Variants in NFATC3 observed in about 807,000 individuals in gnomAD.
NFATC3 encodes the protein nuclear factor of activated T-cells, cytoplasmic 3.
A neutral mutation model predicts 98.6 loss-of-function variants in NFATC3; 46 were observed. The ratio of observed to expected loss-of-function variants is 0.47; its 90% CI spans 0.37 to 0.60. The LOEUF (loss-of-function observed/expected upper bound fraction) is 0.60. NFATC3 is among the 20% of genes least tolerant of loss of function. The pLI, the probability that NFATC3 is intolerant of heterozygous loss-of-function variation, is 0.00. For synonymous variants in NFATC3, 512 were observed against 472.2 expected, an observed-to-expected ratio of 1.08 and a Z score of -1.09; for missense variants, 1,256 against 1,295.5, an observed-to-expected ratio of 0.97 and a Z score of 0.47.
rs2042042294 is a variant in NFATC3 at position 68,226,593 on chromosome 16, G to A, written c.*122G>A. On this transcript the variant is annotated 3_prime_UTR_variant, in exon 10 of 10. Coordinates refer to ENST00000346183, the MANE Select transcript of NFATC3 (RefSeq NM_173165.3). ...CCAGGAGTGGGACCCACCATTTGTGGGGAAAGTAGCATTCCTCCACCTCAG... is the reference window on the plus strand; with the variant it reads ...CCAGGAGTGGGACCCACCATTTGTGAGGAAAGTAGCATTCCTCCACCTCAG... The A allele has an allele frequency of 8.5e-7, 1 of 1,176,844 alleles. No individual in the cohort carries two copies. Among genetic ancestry groups the A allele is most frequent in the South Asian group, 2.2e-5 (1 of 45,282 alleles). The allele number at this position is 1,176,844 out of a possible 1,614,324, so 72.9% of individuals were successfully genotyped here.
At chr16:68,138,488 T>C (rs2151534966) in intron 3 of NFATC3, 1 of 1,261,882 alleles carries the variant, frequency 7.9e-7, no homozygotes, top group Non-Finnish European at 1.0e-6. Context: ...TTATTTTGCA[T>C]TTTCTTTCAA....
intron 3 of NFATC3, among the ~76,000 whole-genome samples, chr16:68,145,228 C>T (rs1295375693): frequency 6.6e-6 from 1 of 151,870 alleles, no homozygotes; most frequent in Non-Finnish European, 1.5e-5. Context: ...ACTGCAACCT[C>T]AGACTCACAG....
chr16:68,161,149 A>C (rs977640675), intron 4 of NFATC3, among the ~76,000 whole-genome samples: 3 of 152,352 alleles, frequency 2.0e-5, no homozygotes, highest in Admixed American at 6.5e-5. Flanking sequence ...GAATGAGAAT[A>C]CAAGTAGGCT....
chr16:68,102,374 G>GAAAAA (rs71268472), intron 1 of NFATC3, among the ~76,000 whole-genome samples: 1 of 30,892 alleles, frequency 3.2e-5, no homozygotes, highest in Admixed American at 3.6e-4. Context: ...TCCATCTCAG[G>GAAAAA]AAAAAAAAAA....
At chr16:68,164,384 AGAGAGGGAGAGGGAGACCGTGGGGAGAGG>A (rs1274774640) in intron 4 of NFATC3, among the ~76,000 whole-genome samples, 5 of 151,990 alleles carry the variant, frequency 3.3e-5, no homozygotes, top group East Asian at 1.9e-4. Flanking sequence ...GACCGTGGAA[AGAGAGGGAGAGGGAGACCGTGGGGAGAGG>A]GAGAGGGAGA....
At position 68,191,102 on chromosome 16, in the gene NFATC3, C is replaced by T. The variant is rs773581238; in HGVS notation, c.2433C>T (p.Tyr811=). 1 of 1,614,216 alleles carries T rather than the reference C, an allele frequency of 6.2e-7. No individual in the cohort carries two copies. Among genetic ancestry groups the T allele is most frequent in the Non-Finnish European group, 8.5e-7 (1 of 1,180,048 alleles). ...SYQPMQTNVV[Y]NGPTCLPINA... ...AGCCTATGCAAACTAATGTTGTGTA[C>T]AATGGACCAACTTGTCTTCCTATTA... is the stretch of plus-strand genomic sequence containing the variant. The change falls in exon 9 of 10, where the codon TAC becomes TAT. Residue 811 remains tyrosine, a synonymous_variant. Coordinates refer to ENST00000346183, the MANE Select transcript of NFATC3 (RefSeq NM_173165.3).
intron 3 of NFATC3, among the ~76,000 whole-genome samples, chr16:68,148,127 T>C (rs764975168): frequency 4.6e-5 from 7 of 152,270 alleles, no homozygotes; most frequent in Admixed American, 2.6e-4. Flanking sequence ...GCGATTCTCC[T>C]GCCTCAGTCT....
At chr16:68,133,827 T>C (rs910038170) in intron 3 of NFATC3, among the ~76,000 whole-genome samples, 1 of 152,092 alleles carries the variant, frequency 6.6e-6, no homozygotes, top group Non-Finnish European at 1.5e-5. Context: ...TTCATGGACA[T>C]TTGATTTGTG....
At chr16:68,172,832 A>G (rs1417284613) in intron 5 of NFATC3, among the ~76,000 whole-genome samples, 2 of 152,214 alleles carry the variant, frequency 1.3e-5, no homozygotes, top group East Asian at 3.8e-4. Flanking sequence ...GAAAAGAAGT[A>G]TAATCTACAG....
chr16:68,198,219 G>A (rs996678890), intron 9 of NFATC3, among the ~76,000 whole-genome samples: 4 of 152,098 alleles, frequency 2.6e-5, no homozygotes, highest in African/African-American at 9.7e-5. Flanking sequence ...TTGGGAGGCT[G>A]AAGTGGGAAG....
At chr16:68,189,523 G>A (rs2040349711) in intron 8 of NFATC3, 1 of 154,408 alleles carries the variant, frequency 6.5e-6, no homozygotes, top group Non-Finnish European at 1.4e-5. Context: ...GACTTTGATA[G>A]GGATTACATT....
chr16:68,095,503 G>T (rs2151448983), intron 1 of NFATC3, among the ~76,000 whole-genome samples: 1 of 152,016 alleles, frequency 6.6e-6, no homozygotes, highest in East Asian at 1.9e-4. Context: ...ACAGATGTGT[G>T]TCACCGTGCC....
chr16:68,203,155 G>A (rs1217058271), intron 9 of NFATC3, among the ~76,000 whole-genome samples: 1 of 151,852 alleles, frequency 6.6e-6, no homozygotes, highest in African/African-American at 2.4e-5. Flanking sequence ...AACCACCCTG[G>A]GACATACAAT....
intron 3 of NFATC3, among the ~76,000 whole-genome samples, chr16:68,152,554 A>G (rs1231080854): frequency 6.6e-6 from 1 of 152,134 alleles, no homozygotes; most frequent in East Asian, 1.9e-4. Flanking sequence ...TCTGTCACCC[A>G]GGCTGGAGTG....
chr16:68,152,572 G>T (rs761442192), intron 3 of NFATC3, among the ~76,000 whole-genome samples: 10 of 152,016 alleles, frequency 6.6e-5, no homozygotes, highest in Non-Finnish European at 1.5e-4. Context: ...GTGTAGTCGT[G>T]CAATCATAGC....
At chr16:68,193,095 TTCTTG>T (rs1455719804) in intron 9 of NFATC3, among the ~76,000 whole-genome samples, 1 of 152,154 alleles carries the variant, frequency 6.6e-6, no homozygotes, top group Non-Finnish European at 1.5e-5. Flanking sequence ...ACTTTTTTTT[TTCTTG>T]TCTTATTCCC....
chr16:68,147,082 C>A (rs989805832), intron 3 of NFATC3, among the ~76,000 whole-genome samples: 1 of 152,070 alleles, frequency 6.6e-6, no homozygotes, highest in Non-Finnish European at 1.5e-5. Context: ...AATATATTCC[C>A]TTTGAAATCT....
At position 68,221,443 on chromosome 16, in the gene NFATC3, G is replaced by A. The variant is rs1022553521; in HGVS notation, c.3107-4907G>A. ...CCCTAGCCTAAAATTTATATTCAGTGCTCACCTGTAGCAATTACTTGAGCA... is the reference window on the plus strand; with the variant it reads ...CCCTAGCCTAAAATTTATATTCAGTACTCACCTGTAGCAATTACTTGAGCA... On this transcript the variant is annotated intron_variant, in intron 9 of 9. Transcript: ENST00000346183. 18 of 1,381,234 alleles carry A rather than the reference G, an allele frequency of 1.3e-5. No individual in the cohort carries two copies. The Admixed American group carries it at 3.0e-4, about 23-fold the overall frequency. The allele number at this position is 1,381,234 out of a possible 1,614,324, so 85.6% of individuals were successfully genotyped here.
intron 3 of NFATC3, among the ~76,000 whole-genome samples, chr16:68,154,282 T>C (rs531325804): frequency 1.3e-5 from 2 of 152,298 alleles, no homozygotes; most frequent in East Asian, 3.9e-4. Flanking sequence ...ATCTGACTTA[T>C]TGGATCCCTC....
Sources: gnomAD v4.1 joint callset for allele counts (sites outside exome capture counted in the v4.1 genomes callset) on GRCh38, gnomAD v4.1.1 for gene constraint, MANE v1.5 for transcripts, NCBI Gene and HGNC (gene_info 2026-07-23, HGNC 2026-07-21) for gene names.